IL1RAPL2: variants seen among roughly 807,000 people sequenced by gnomAD.
The protein encoded by IL1RAPL2 is interleukin 1 receptor accessory protein like 2, also known as X-linked interleukin-1 receptor accessory protein-like 2.
A neutral mutation model predicts 44.1 loss-of-function variants in IL1RAPL2; 3 were observed. The ratio of observed to expected loss-of-function variants is 0.07; its 90% CI spans 0.03 to 0.18. The LOEUF is 0.18. Among genes scored for constraint, IL1RAPL2 ranks in the 10% least tolerant of loss-of-function variants. The probability of loss-of-function intolerance (pLI) is 1.00; values close to 1 mark genes in which losing one functional copy is unlikely to be tolerated. For missense variants in IL1RAPL2, 391 were observed against 496.4 expected, an observed-to-expected ratio of 0.79 and a Z score of 2.02; for synonymous variants, 181 against 178.8, an observed-to-expected ratio of 1.01 and a Z score of -0.10.
At chrX:105,193,766 A>G (rs2033652118) in intron 2 of IL1RAPL2, among the ~76,000 whole-genome samples, 2 of 112,389 alleles carry the variant, frequency 1.8e-5, no homozygotes, top group Admixed American at 9.5e-5. Context: ...TACAGTGATC[A>G]TCAGAATCCA....
intron 6 of IL1RAPL2, among the ~76,000 whole-genome samples, chrX:105,665,956 G>A (rs1189740163): frequency 1.8e-5 from 2 of 108,358 alleles, no homozygotes; most frequent in Non-Finnish European, 3.8e-5. Flanking sequence ...TAGAGACGGG[G>A]TTTCACCGTC....
At chrX:104,808,280 A>G (rs985985764) in intron 2 of IL1RAPL2, among the ~76,000 whole-genome samples, 4 of 111,819 alleles carry the variant, frequency 3.6e-5, no homozygotes, top group Non-Finnish European at 5.6e-5. Flanking sequence ...TTTATATTTT[A>G]TATCACCATT....
chrX:105,200,915 C>CCACACA (rs61216729), intron 3 of IL1RAPL2, among the ~76,000 whole-genome samples: 11 of 104,331 alleles, frequency 1.1e-4, no homozygotes, highest in African/African-American at 3.1e-4. Context: ...CGTTTCACAC[C>CCACACA]CACACACACA....
At chrX:104,687,527 G>A (rs781162202) in intron 2 of IL1RAPL2, among the ~76,000 whole-genome samples, 1 of 111,584 alleles carries the variant, frequency 9.0e-6, no homozygotes, top group East Asian at 2.8e-4. Context: ...TTTGACACTG[G>A]AGATCAAATT....
chrX:105,608,893 C>T (rs2037314991), intron 6 of IL1RAPL2, among the ~76,000 whole-genome samples: 1 of 111,683 alleles, frequency 9.0e-6, no homozygotes, highest in Admixed American at 9.5e-5. Context: ...ACTGCCATGC[C>T]TGCTATTCTA....
Position 105,634,901 on chromosome X carries a change from A to G in IL1RAPL2, c.773-82466A>G, listed in dbSNP as rs190227350. The stretch of plus-strand genomic sequence containing the variant: ...TCCATTAGGGATCATGATTATCCTC[A>G]TGTTCTTTATGAGGAAACTGAAGCT... On this transcript the variant is annotated intron_variant, in intron 6 of 10. Transcript: ENST00000372582. Among the ~76,000 whole-genome samples the G allele has an allele frequency of 2.2e-3, 247 of 111,604 alleles. 2 individuals carry two copies. The highest frequency in any genetic ancestry group is 7.7e-3 in the African/African-American group (237 of 30,775).
intron 2 of IL1RAPL2, among the ~76,000 whole-genome samples, chrX:104,962,336 G>A (rs2030024420): frequency 8.9e-6 from 1 of 111,796 alleles, no homozygotes. Flanking sequence ...ATCTCTTCAT[G>A]GTGACTAAGC....
chrX:104,672,222 G>A (rs746133008), intron 2 of IL1RAPL2, among the ~76,000 whole-genome samples: 27 of 111,131 alleles, frequency 2.4e-4, no homozygotes, highest in South Asian at 7.7e-4. Flanking sequence ...GTCATCTAGC[G>A]TTAGGTATAA....
intron 5 of IL1RAPL2, among the ~76,000 whole-genome samples, chrX:105,405,354 T>G (rs962445079): frequency 2.6e-4 from 29 of 112,059 alleles, no homozygotes; most frequent in African/African-American, 9.1e-4. Flanking sequence ...AAAGAAATAC[T>G]TGAGACCACT....
chrX:104,717,779 C>T (rs961693168), intron 2 of IL1RAPL2, among the ~76,000 whole-genome samples: 12 of 108,518 alleles, frequency 1.1e-4, no homozygotes, highest in Admixed American at 2.0e-4. Flanking sequence ...CAACAGTCCC[C>T]GGTGTGTGAT....
intron 6 of IL1RAPL2, among the ~76,000 whole-genome samples, chrX:105,622,290 T>TAAG (rs1215862156): frequency 9.4e-6 from 1 of 106,847 alleles, no homozygotes; most frequent in African/African-American, 3.4e-5. Context: ...ATAATAATAA[T>TAAG]AATAATAATA....
chrX:105,311,832 C>T (rs1214335720), intron 5 of IL1RAPL2, among the ~76,000 whole-genome samples: 1 of 111,235 alleles, frequency 9.0e-6, no homozygotes, highest in East Asian at 2.8e-4. Context: ...AAAATGATGA[C>T]TAATAAACTT....
At chrX:104,800,765 C>T (rs1443103887) in intron 2 of IL1RAPL2, among the ~76,000 whole-genome samples, 2 of 112,637 alleles carry the variant, frequency 1.8e-5, no homozygotes, top group Non-Finnish European at 3.7e-5. Flanking sequence ...CAGCAGAGAG[C>T]AGGCCTCTGA....
intron 6 of IL1RAPL2, among the ~76,000 whole-genome samples, chrX:105,489,100 A>T (rs2036290550): frequency 8.9e-6 from 1 of 112,109 alleles, no homozygotes; most frequent in South Asian, 3.7e-4. Flanking sequence ...AAATAATCTG[A>T]AAACTATTGC....
At chrX:104,605,091 A>G (rs1196539699) in intron 1 of IL1RAPL2, among the ~76,000 whole-genome samples, 1 of 112,169 alleles carries the variant, frequency 8.9e-6, no homozygotes, top group African/African-American at 3.2e-5. Context: ...AAGCAAATGT[A>G]AAAGAACAGA....
chrX:105,452,286 T>G (rs2036024927), intron 5 of IL1RAPL2, among the ~76,000 whole-genome samples: 1 of 111,800 alleles, frequency 8.9e-6, no homozygotes, highest in Non-Finnish European at 1.9e-5. Context: ...ACCGTTTATC[T>G]TTTTTAACTT....
intron 2 of IL1RAPL2, among the ~76,000 whole-genome samples, chrX:104,971,402 C>T (rs1439857947): frequency 9.0e-6 from 1 of 111,327 alleles, no homozygotes; most frequent in Non-Finnish European, 1.9e-5. Flanking sequence ...CCAAGTGAGA[C>T]TTGGGAAAGT....
chrX:105,243,532 CATATATATATGTGTGTATAT>C (rs1182870707), intron 4 of IL1RAPL2, among the ~76,000 whole-genome samples: 2 of 95,978 alleles, frequency 2.1e-5, no homozygotes, highest in African/African-American at 4.0e-5. Context: ...ATGGAGATTT[CATATATATATGTGTGTATAT>C]ATATATATAT....
At chrX:105,659,582 G>A (rs1344945082) in intron 6 of IL1RAPL2, among the ~76,000 whole-genome samples, 4 of 108,631 alleles carry the variant, frequency 3.7e-5, no homozygotes, top group Admixed American at 2.0e-4. Flanking sequence ...GCGTGAACCC[G>A]GGAGGCAGAG....
Sources: allele counts gnomAD v4.1 joint callset (sites outside exome capture counted in the v4.1 genomes callset), GRCh38; gene constraint gnomAD v4.1.1; transcripts MANE v1.5; gene names NCBI Gene and HGNC (gene_info 2026-07-23, HGNC 2026-07-21).